STPG2: variants seen among roughly 807,000 people sequenced by gnomAD.
STPG2 encodes the protein sperm tail PG-rich repeat containing 2.
In STPG2, 56 loss-of-function variants were observed where a neutral mutation model predicts 54.2. That is an observed-to-expected ratio of 1.03 (90% CI 0.83 to 1.29). STPG2 has a LOEUF of 1.29. Ranked by LOEUF, STPG2 falls within the 50% of genes most tolerant of loss-of-function variation. The pLI is 0.00. For synonymous variants in STPG2, 200 were observed against 181.8 expected (o/e 1.10, Z -0.81); for missense variants, 596 against 544.9 (o/e 1.09, Z -0.93).
intron 10 of STPG2, among the ~76,000 whole-genome samples, chr4:97,698,974 T>C (rs573233285): frequency 1.3e-5 from 2 of 152,272 alleles, no homozygotes; most frequent in South Asian, 2.1e-4. Context: ...CCACTGATGA[T>C]AGTCTTGGCA....
chr4:97,594,467 A>G (rs1304521356), intron 10 of STPG2, among the ~76,000 whole-genome samples: 2 of 152,214 alleles, frequency 1.3e-5, no homozygotes. Flanking sequence ...TAAAGAAGAA[A>G]GAATGAAACC....
At chr4:97,940,685 T>C (rs1269177536) in intron 8 of STPG2, among the ~76,000 whole-genome samples, 1 of 152,202 alleles carries the variant, frequency 6.6e-6, no homozygotes, top group Non-Finnish European at 1.5e-5. Context: ...AGCTATTTCA[T>C]CCTTCAGCTC....
At chr4:97,813,677 TAAAAAAAAAAAAAAAAAA>T (rs869298230) in intron 9 of STPG2, among the ~76,000 whole-genome samples, 7 of 45,928 alleles carry the variant, frequency 1.5e-4, no homozygotes, top group Admixed American at 3.5e-4. Context: ...CCCTGTCTCT[TAAAAAAAAAAAAAAAAAA>T]AAAAAAAAAA....
At chr4:98,079,292 C>G (rs116787220) in intron 5 of STPG2, among the ~76,000 whole-genome samples, 2,292 of 152,266 alleles carry the variant, frequency 0.015, 57 homozygotes, top group African/African-American at 0.052. Context: ...TATAGGATGA[C>G]TTTGCATGTC....
chr4:97,488,912 T>C (rs999625051), intron 4 of STPG2, among the ~76,000 whole-genome samples: 1 of 151,620 alleles, frequency 6.6e-6, no homozygotes, highest in Non-Finnish European at 1.5e-5. Flanking sequence ...TATTGACAAA[T>C]AGATAGACAG....
intron 4 of STPG2, among the ~76,000 whole-genome samples, chr4:97,509,385 G>A (rs910602882): frequency 2.6e-5 from 4 of 152,080 alleles, no homozygotes; most frequent in African/African-American, 9.6e-5. Context: ...GACAACTGAC[G>A]TTCTAAATTT....
intron 9 of STPG2, among the ~76,000 whole-genome samples, chr4:97,822,185 C>T (rs1728115252): frequency 1.3e-5 from 2 of 152,176 alleles, no homozygotes; most frequent in Admixed American, 1.3e-4. Context: ...TTCTTAAATG[C>T]TTTGCTGCTT....
rs563065160 is a variant in STPG2 at position 97,513,722 on chromosome 4, C to T, written c.462+198977G>A. On this transcript the variant is annotated intron_variant, in intron 4 of 4. Transcript: ENST00000522676. ...CCTATGAAGTGGATATGATTATCATCTTCACTTCAAAGAAAAGGAAACTGA... is the reference window on the plus strand; with the variant it reads ...CCTATGAAGTGGATATGATTATCATTTTCACTTCAAAGAAAAGGAAACTGA... 1.2e-4 allele frequency among the ~76,000 whole-genome samples: 18 copies of T among 152,178 alleles called. 1 individual carries two copies. In the East Asian group the frequency reaches 3.5e-3, roughly 30 times the overall value.
At chr4:97,785,839 CA>C (rs11414456) in intron 9 of STPG2, among the ~76,000 whole-genome samples, 51 of 145,758 alleles carry the variant, frequency 3.5e-4, no homozygotes, top group African/African-American at 9.0e-4. Context: ...GAAGACATGG[CA>C]AAAAAAAAAC....
intron 4 of STPG2, among the ~76,000 whole-genome samples, chr4:97,538,078 A>G (rs1731583466): frequency 6.6e-6 from 1 of 152,132 alleles, no homozygotes; most frequent in African/African-American, 2.4e-5. Context: ...GGTAGAAAAA[A>G]CCACAAAGAT....
intron 4 of STPG2, among the ~76,000 whole-genome samples, chr4:97,482,345 AATAG>A (rs1438732223): frequency 2.0e-5 from 3 of 151,632 alleles, no homozygotes; most frequent in South Asian, 2.1e-4. Flanking sequence ...TAGTCAAAGA[AATAG>A]ATAGCATAAA....
intron 4 of STPG2, among the ~76,000 whole-genome samples, chr4:97,549,695 GAGA>G (rs1393808444): frequency 2.6e-5 from 4 of 152,158 alleles, no homozygotes; most frequent in Non-Finnish European, 5.9e-5. Context: ...GGCAACTACA[GAGA>G]AGAAGGTCAT....
At chr4:97,771,433 A>T (rs901420684) in intron 9 of STPG2, among the ~76,000 whole-genome samples, 2 of 152,146 alleles carry the variant, frequency 1.3e-5, no homozygotes, top group African/African-American at 4.8e-5. Context: ...AGTGAAGTTC[A>T]GTCTACTGGA....
chr4:97,894,208 C>G (rs547245023), intron 8 of STPG2, among the ~76,000 whole-genome samples: 1 of 151,938 alleles, frequency 6.6e-6, no homozygotes, highest in Admixed American at 6.6e-5. Flanking sequence ...ATCCATTTTT[C>G]ACATGCCTTT....
At chr4:98,005,291 T>C (rs1486719277) in intron 5 of STPG2, among the ~76,000 whole-genome samples, 1 of 152,096 alleles carries the variant, frequency 6.6e-6, no homozygotes, top group Non-Finnish European at 1.5e-5. Flanking sequence ...AATGTTAATC[T>C]CCTTTGGCAA....
chr4:97,725,662 TA>T (rs947198674), intron 9 of STPG2, among the ~76,000 whole-genome samples: 51 of 150,860 alleles, frequency 3.4e-4, no homozygotes, highest in African/African-American at 9.5e-4. Context: ...AAAAGATATT[TA>T]AAAAAAAATT....
chr4:97,600,655 GA>G (rs963814112), intron 10 of STPG2, among the ~76,000 whole-genome samples: 4 of 152,024 alleles, frequency 2.6e-5, no homozygotes, highest in African/African-American at 9.7e-5. Flanking sequence ...GCAGTGTCTA[GA>G]AGATATAGTC....
chr4:97,990,417 C>T (rs185012185), intron 5 of STPG2, among the ~76,000 whole-genome samples: 142 of 152,226 alleles, frequency 9.3e-4, no homozygotes, highest in Middle Eastern at 3.4e-3. Flanking sequence ...TTTGAGGAGA[C>T]CAACCCTCAA....
chr4:98,129,417 C>T (rs142787966), intron 2 of STPG2, among the ~76,000 whole-genome samples: 14 of 152,108 alleles, frequency 9.2e-5, no homozygotes, highest in Middle Eastern at 6.8e-3. Context: ...AGGAAAATAT[C>T]TATGATGTAA....
Sources: gnomAD v4.1 joint callset for allele counts (sites outside exome capture counted in the v4.1 genomes callset) on GRCh38, gnomAD v4.1.1 for gene constraint, MANE v1.5 for transcripts, NCBI Gene and HGNC (gene_info 2026-07-23, HGNC 2026-07-21) for gene names.